The following DHX9 variants were observed in gnomAD, a reference collection of about 807,000 sequenced individuals.
The protein encoded by DHX9 is DExH-box helicase 9.
A neutral mutation model predicts 148.7 loss-of-function variants in DHX9; 27 were observed. The ratio of observed to expected loss-of-function variants is 0.18; its 90% CI spans 0.13 to 0.25. The LOEUF (loss-of-function observed/expected upper bound fraction) is 0.25, where lower values mean the gene tolerates loss of function less well. Ranked by LOEUF, DHX9 falls within the 10% of genes least tolerant of loss-of-function variation. DHX9 has a pLI of 1.00. For synonymous variants in DHX9, 529 were observed against 516.6 expected (o/e 1.02, Z -0.33); for missense variants, 796 against 1,559.6 (o/e 0.51, Z 8.25).
chr1:182,875,010 A>C (rs1571317732), intron 16 of DHX9, 56 bp downstream of exon 16: 1 of 1,367,670 alleles, frequency 7.3e-7, no homozygotes, highest in African/African-American at 1.4e-5. Context: ...TGCAGAGAAA[A>C]AAATGAGTTA....
chr1:182,851,444 C>CA (rs1041944069), intron 3 of DHX9, among the ~76,000 whole-genome samples: 1 of 152,080 alleles, frequency 6.6e-6, no homozygotes, highest in Non-Finnish European at 1.5e-5. Context: ...TACTATTGCA[C>CA]AAAAAACAGC....
chr1:182,859,924 A>G, intron 11 of DHX9, 69 bp from the exon 12 acceptor site: 1 of 1,482,386 alleles, frequency 6.7e-7, no homozygotes, highest in Non-Finnish European at 9.1e-7. Context: ...GAAGTTTTTT[A>G]AAGGATCAAG....
chr1:182,858,595 G>A lies in DHX9; in HGVS notation c.855G>A (p.Gln285=), dbSNP rs747819463. ...KVNLSQDLEH[Q]LQNIIQELNL... ...ACCTCTCTCAAGATTTAGAGCATCA[G>A]CTGCAAAACATCATTCAAGAGCTAA... Residue 285 remains glutamine (Q), a synonymous_variant, in exon 9 of 28, where the codon CAG becomes CAA. Transcript: ENST00000367549. 2 of 1,611,624 alleles carry A rather than the reference G, an allele frequency of 1.2e-6. No homozygotes were observed. Among genetic ancestry groups the A allele is most frequent in the South Asian group, 1.1e-5 (1 of 90,968 alleles).
intron 16 of DHX9, 133 bp from the exon 17 acceptor site, chr1:182,875,917 T>G: frequency 2.9e-6 from 2 of 701,590 alleles, no homozygotes; most frequent in Non-Finnish European, 4.8e-6. Flanking sequence ...TCTTCTGTAT[T>G]CTATAGTGTG....
intron 14 of DHX9, among the ~76,000 whole-genome samples, chr1:182,868,315 A>T (rs937909802): frequency 6.6e-6 from 1 of 152,150 alleles, no homozygotes; most frequent in Non-Finnish European, 1.5e-5. Context: ...GAAAAAAGCA[A>T]ATCTGATCTG....
intron 12 of DHX9, 124 bp downstream of exon 12, chr1:182,860,308 A>G: frequency 1.2e-6 from 1 of 863,998 alleles, no homozygotes; most frequent in Non-Finnish European, 1.7e-6. Context: ...TTAAATTTAA[A>G]AAAAGAAAAC....
intron 26 of DHX9, among the ~76,000 whole-genome samples, chr1:182,884,279 A>G (rs1649221018): frequency 6.6e-6 from 1 of 152,170 alleles, no homozygotes; most frequent in Non-Finnish European, 1.5e-5. Context: ...TCAAAAAAAA[A>G]GAAAGTCTGA....
At chr1:182,884,541 T>TGAAGTTGAGG in intron 26 of DHX9, 72 bp from the exon 27 acceptor site, 1 of 1,313,944 alleles carries the variant, frequency 7.6e-7, no homozygotes, top group Admixed American at 1.9e-5. Flanking sequence ...GTGCCATGTG[T>TGAAGTTGAGG]GAAGTTGAGA....
rs528546138 is a variant in DHX9, at chr1:182,863,732, T to C, written c.1333-2712T>C. Among the ~76,000 whole-genome samples, 9 of 152,296 alleles carry C rather than the reference T, an allele frequency of 5.9e-5. No individual in the cohort carries two copies. In the East Asian group the frequency reaches 1.7e-3, roughly 29 times the overall value. On this transcript the variant is annotated intron_variant, in intron 12 of 27. Coordinates refer to ENST00000367549, the MANE Select transcript of DHX9 (RefSeq NM_001357.5). The stretch of plus-strand genomic sequence containing the variant: ...GATACGCTCACGTTAGGCATTGTTT[T>C]CCCACACAAAATGCCTGTCCTGTGA...
intron 19 of DHX9, chr1:182,877,812 G>C: frequency 1.8e-6 from 1 of 559,754 alleles, no homozygotes; most frequent in Admixed American, 3.4e-5. Context: ...GCTGATAAGT[G>C]GCAAGTGGAT....
rs779490663 is a variant in DHX9, at chr1:182,859,115, G to A, written c.1138G>A (p.Ala380Thr). 6.2e-7 allele frequency: 1 copy of A among 1,613,528 alleles called. No homozygotes were observed. Among genetic ancestry groups the A allele is most frequent in the South Asian group, 1.1e-5 (1 of 91,016 alleles). The change falls in exon 11 of 28, where the codon GCA becomes ACA. Residue 380 changes from alanine to threonine, a missense_variant and splice_region_variant. Coordinates refer to ENST00000367549, the MANE Select transcript of DHX9 (RefSeq NM_001357.5). ...YQLEQDHDLQ[A>T]ILQERELLPV... Reference sequence around the variant, plus strand: ...GTTGGAACAGGATCATGATTTGCAAGCAGTAAGTCTGAATTATTTAGACAA... The same window carrying A: ...GTTGGAACAGGATCATGATTTGCAAACAGTAAGTCTGAATTATTTAGACAA...
intron 24 of DHX9, among the ~76,000 whole-genome samples, chr1:182,881,985 TGAGCTGTA>T (rs1343053986): frequency 6.6e-6 from 1 of 152,248 alleles, no homozygotes; most frequent in Non-Finnish European, 1.5e-5. Flanking sequence ...TGTTTCTTGA[TGAGCTGTA>T]GTACTTTTCT....
intron 2 of DHX9, 71 bp downstream of exon 2, chr1:182,842,748 C>A: frequency 8.0e-7 from 1 of 1,249,760 alleles, no homozygotes; most frequent in Non-Finnish European, 1.1e-6. Flanking sequence ...AAAATGTTTT[C>A]TGTTTGGAGA....
Position 182,887,563 on chromosome 1 carries a change from T to C in DHX9, c.*129T>C, listed in dbSNP as rs1649393809. ...GCATTTTCACCCATTCTGTGGTTCA[T>C]TGTAGTTTAAGGAAACCAAGCATAT... On this transcript the variant is annotated 3_prime_UTR_variant, in exon 28 of 28. Transcript: ENST00000367549. 3 of 829,896 alleles carry C rather than the reference T, an allele frequency of 3.6e-6. No homozygotes were observed. Among genetic ancestry groups the C allele is most frequent in the Admixed American group, 2.9e-5 (1 of 34,410 alleles). 51.4% of individuals were successfully genotyped at this position (829,896 alleles called of 1,614,324 possible). A position where few individuals can be genotyped will look rare whatever the true frequency, so the allele number is the denominator to read the frequency against.
chr1:182,876,003 A>T (rs762722103), intron 16 of DHX9, 47 bp from the exon 17 acceptor site: 2 of 1,483,408 alleles, frequency 1.3e-6, no homozygotes, highest in Non-Finnish European at 1.9e-6. Context: ...GACTTACCTC[A>T]TGAGTAACTG....
intron 12 of DHX9, chr1:182,860,430 CAG>C (rs1668340251): frequency 3.8e-6 from 1 of 263,900 alleles, no homozygotes; most frequent in Admixed American, 5.4e-5. Flanking sequence ...GGCCTAGAAT[CAG>C]ACTGTCGAGA....
chr1:182,857,167 A>G (rs1341893014), intron 7 of DHX9, among the ~76,000 whole-genome samples: 1 of 152,072 alleles, frequency 6.6e-6, no homozygotes, highest in Non-Finnish European at 1.5e-5. Flanking sequence ...TTTCATTTTT[A>G]TATATACAAT....
chr1:182,851,790 C>T (rs550259603), intron 3 of DHX9, among the ~76,000 whole-genome samples: 14 of 152,164 alleles, frequency 9.2e-5, no homozygotes, highest in East Asian at 3.9e-4. Flanking sequence ...ATATCTATTC[C>T]GTGATCATCT....
At chr1:182,842,729 G>T (rs1354200590) in intron 2 of DHX9, 52 bp downstream of exon 2, 1 of 1,437,872 alleles carries the variant, frequency 7.0e-7, no homozygotes, top group Non-Finnish European at 9.5e-7. Context: ...TCATTTTGGG[G>T]TTAAAAGAAA....
Sources: gnomAD v4.1 joint callset for allele counts (sites outside exome capture counted in the v4.1 genomes callset) on GRCh38, gnomAD v4.1.1 for gene constraint, MANE v1.5 for transcripts, NCBI Gene and HGNC (gene_info 2026-07-23, HGNC 2026-07-21) for gene names.